Variants in CADM2 observed in about 807,000 individuals in gnomAD.
CADM2 encodes the protein cell adhesion molecule 2, also known as immunoglobulin superfamily member 4D.
In CADM2, 12 loss-of-function variants were observed where a neutral mutation model predicts 49.8. That is an observed-to-expected ratio of 0.24 (90% CI 0.15 to 0.39). The LOEUF (loss-of-function observed/expected upper bound fraction) is 0.39. Among genes scored for constraint, CADM2 ranks in the 10% least tolerant of loss-of-function variants. The pLI is 1.00. For synonymous variants in CADM2, 214 were observed against 175.4 expected (o/e 1.22, Z -1.74); for missense variants, 378 against 492.3 (o/e 0.77, Z 2.20).
At chr3:85,509,071 A>G (rs2040490930) in intron 1 of CADM2, among the ~76,000 whole-genome samples, 1 of 152,174 alleles carries the variant, frequency 6.6e-6, no homozygotes. Flanking sequence ...ATGATCTCCA[A>G]AGTAACCTGA....
At chr3:85,868,774 A>G (rs1392144269) in intron 3 of CADM2, among the ~76,000 whole-genome samples, 1 of 152,046 alleles carries the variant, frequency 6.6e-6, no homozygotes, top group Non-Finnish European at 1.5e-5. Flanking sequence ...TGTATGTACT[A>G]CCTTATCTTC....
At chr3:85,748,993 A>G (rs1157317732) in intron 2 of CADM2, among the ~76,000 whole-genome samples, 1 of 152,150 alleles carries the variant, frequency 6.6e-6, no homozygotes, top group African/African-American at 2.4e-5. Flanking sequence ...GATAAGTTCA[A>G]TAAGCTTTTC....
intron 1 of CADM2, among the ~76,000 whole-genome samples, chr3:85,008,469 C>A (rs2033843901): frequency 6.6e-6 from 1 of 152,012 alleles, no homozygotes; most frequent in Admixed American, 6.6e-5. Context: ...AAACCATAAA[C>A]CATGGCTACT....
chr3:85,790,765 C>T (rs754995113), intron 2 of CADM2, among the ~76,000 whole-genome samples: 5 of 152,164 alleles, frequency 3.3e-5, no homozygotes, highest in Non-Finnish European at 5.9e-5. Context: ...CTTTTCTGGC[C>T]TTGCAAGACC....
At chr3:85,648,859 TTGGTTTTTA>T (rs1385287894) in intron 1 of CADM2, among the ~76,000 whole-genome samples, 1 of 152,068 alleles carries the variant, frequency 6.6e-6, no homozygotes, top group African/African-American at 2.4e-5. Flanking sequence ...AATAGTCGTT[TTGGTTTTTA>T]TATTTTTACT....
At chr3:85,780,205 T>C (rs976093496) in intron 2 of CADM2, among the ~76,000 whole-genome samples, 7 of 152,176 alleles carry the variant, frequency 4.6e-5, no homozygotes, top group African/African-American at 1.4e-4. Flanking sequence ...GTGTGACTAG[T>C]AGGCCGACAT....
chr3:86,028,400 T>C (rs1277591973), intron 8 of CADM2, among the ~76,000 whole-genome samples: 2 of 152,066 alleles, frequency 1.3e-5, no homozygotes, highest in African/African-American at 2.4e-5. Context: ...CTCTAATAAA[T>C]AACAATGGCT....
At chr3:86,053,580 A>G (rs1329940134) in intron 8 of CADM2, among the ~76,000 whole-genome samples, 8 of 152,106 alleles carry the variant, frequency 5.3e-5, no homozygotes, top group African/African-American at 1.4e-4. Flanking sequence ...GTGCTCAGGC[A>G]TCCATAAGCC....
chr3:85,776,478 T>C (rs560342355), intron 2 of CADM2, among the ~76,000 whole-genome samples: 1 of 152,154 alleles, frequency 6.6e-6, no homozygotes, highest in South Asian at 2.1e-4. Flanking sequence ...ATACCTGTCA[T>C]GTCTGGCATA....
chr3:85,251,944 G>A (rs926453549), intron 1 of CADM2, among the ~76,000 whole-genome samples: 1 of 151,890 alleles, frequency 6.6e-6, no homozygotes, highest in Non-Finnish European at 1.5e-5. Flanking sequence ...TCATCTCTTG[G>A]TAATTTATAG....
chr3:85,038,970 T>A (rs1435082936), intron 1 of CADM2, among the ~76,000 whole-genome samples: 1 of 152,186 alleles, frequency 6.6e-6, no homozygotes, highest in Non-Finnish European at 1.5e-5. Flanking sequence ...CTAAAATTAT[T>A]TTTTAAACTC....
intron 1 of CADM2, among the ~76,000 whole-genome samples, chr3:85,194,934 C>A (rs530313667): frequency 6.6e-6 from 1 of 151,944 alleles, no homozygotes; most frequent in Non-Finnish European, 1.5e-5. Context: ...AAATGAACTC[C>A]TGGGCTAAAG....
chr3:85,026,406 T>G (rs1559623446), intron 1 of CADM2, among the ~76,000 whole-genome samples: 1 of 152,238 alleles, frequency 6.6e-6, no homozygotes. Flanking sequence ...TGCCAATAAC[T>G]TCCTAGTTTT....
At chr3:85,869,241 CT>C (rs763984119) in intron 3 of CADM2, among the ~76,000 whole-genome samples, 3 of 151,762 alleles carry the variant, frequency 2.0e-5, no homozygotes, top group African/African-American at 4.8e-5. Context: ...ACTTTACTCA[CT>C]TTTTTTTGGC....
At chr3:85,510,536 T>C (rs956229209) in intron 1 of CADM2, among the ~76,000 whole-genome samples, 1 of 152,044 alleles carries the variant, frequency 6.6e-6, no homozygotes, top group Non-Finnish European at 1.5e-5. Context: ...ACAAAACACT[T>C]TTGCTTTTTT....
chr3:85,610,898 C>A (rs2063664722), intron 1 of CADM2, among the ~76,000 whole-genome samples: 1 of 151,860 alleles, frequency 6.6e-6, no homozygotes, highest in Non-Finnish European at 1.5e-5. Context: ...CATGTCACAT[C>A]CTCATAAGTG....
intron 1 of CADM2, among the ~76,000 whole-genome samples, chr3:85,103,761 T>C (rs2038102978): frequency 6.6e-6 from 1 of 152,140 alleles, no homozygotes; most frequent in Non-Finnish European, 1.5e-5. Flanking sequence ...CGAAACAATA[T>C]TCCAGAACGT....
intron 1 of CADM2, among the ~76,000 whole-genome samples, chr3:85,250,422 T>C (rs2042748142): frequency 6.6e-6 from 1 of 151,546 alleles, no homozygotes; most frequent in East Asian, 1.9e-4. Context: ...AAATATTTTA[T>C]TTTTTCTGTA....
At chr3:85,940,659 T>C (rs750540671) in intron 7 of CADM2, among the ~76,000 whole-genome samples, 1 of 152,098 alleles carries the variant, frequency 6.6e-6, no homozygotes, top group African/African-American at 2.4e-5. Context: ...AATTAATCAT[T>C]GAGATCTGTA....
Sources: gnomAD v4.1 joint callset for allele counts (sites outside exome capture counted in the v4.1 genomes callset) on GRCh38, gnomAD v4.1.1 for gene constraint, MANE v1.5 for transcripts, NCBI Gene and HGNC (gene_info 2026-07-23, HGNC 2026-07-21) for gene names.